Variants in DUSP13A observed in about 807,000 individuals in gnomAD.
DUSP13A encodes dual specificity protein phosphatase 13A.
At chr10:75,105,675 C>A in the DUSP13A span, 5 of 1,548,940 alleles carry the variant, frequency 3.2e-6, no homozygotes, top group Middle Eastern at 2.3e-4. Flanking sequence ...CCCCTCAGCT[C>A]TGGCCGGCAC....
the DUSP13A span, chr10:75,108,250 T>C: frequency 6.4e-7 from 1 of 1,560,552 alleles, no homozygotes; most frequent in Non-Finnish European, 8.7e-7. Context: ...GGCCAAGCCA[T>C]GGGACCAGGA....
At chr10:75,107,424 G>A in the DUSP13A span, among the ~76,000 whole-genome samples, 11 of 152,144 alleles carry the variant, frequency 7.2e-5, no homozygotes, top group Admixed American at 5.2e-4. Flanking sequence ...AAAGTTGAGT[G>A]TTGCAGAGAA....
At chr10:75,108,108 T>C in the DUSP13A span, 5 of 1,613,830 alleles carry the variant, frequency 3.1e-6, no homozygotes, top group South Asian at 5.5e-5. Flanking sequence ...ACTGCTGCCG[T>C]AGAAGTCAGG....
At chr10:75,107,737 C>T in the DUSP13A span, among the ~76,000 whole-genome samples, 4 of 152,102 alleles carry the variant, frequency 2.6e-5, no homozygotes, top group South Asian at 2.1e-4. Context: ...CCACCATGCC[C>T]GGCTAATATT....
chr10:75,105,804 G>T, the DUSP13A span: 1 of 1,551,064 alleles, frequency 6.4e-7, no homozygotes, highest in South Asian at 1.2e-5. Flanking sequence ...GGTGCAGCAT[G>T]AGGTAGGCCA....
the DUSP13A span, among the ~76,000 whole-genome samples, chr10:75,107,383 C>T: frequency 8.1e-4 from 123 of 151,592 alleles, no homozygotes; most frequent in Admixed American, 2.4e-3. Flanking sequence ...TACTTTGGGG[C>T]AGACATCTAG....
the DUSP13A span, chr10:75,105,881 T>A: frequency 4.5e-6 from 7 of 1,544,706 alleles, no homozygotes. Flanking sequence ...GAGGAAGACA[T>A]CCTGGTGAAA....
the DUSP13A span, chr10:75,105,742 A>G: frequency 6.4e-7 from 1 of 1,554,292 alleles, no homozygotes; most frequent in Non-Finnish European, 8.7e-7. Flanking sequence ...GTTGGGGAAG[A>G]CCCATCGGTG....
chr10:75,106,517 A>C, the DUSP13A span, among the ~76,000 whole-genome samples: 1 of 152,082 alleles, frequency 6.6e-6, no homozygotes, highest in Non-Finnish European at 1.5e-5. Context: ...TGCTTGAATC[A>C]CAAAGCAGCT....
At chr10:75,108,273 C>G in the DUSP13A span, 1 of 1,526,922 alleles carries the variant, frequency 6.5e-7, no homozygotes, top group Non-Finnish European at 8.7e-7. Context: ...GAGGCTGTGC[C>G]TGGCCCCCTG....
At chr10:75,106,101 CTTTTTT>C in the DUSP13A span, among the ~76,000 whole-genome samples, 4 of 123,022 alleles carry the variant, frequency 3.3e-5, no homozygotes, top group Non-Finnish European at 6.9e-5. Context: ...TCTTTCTTTT[CTTTTTT>C]TTTTTTTTTT....
the DUSP13A span, chr10:75,108,963 C>A: frequency 1.9e-6 from 3 of 1,551,242 alleles, no homozygotes; most frequent in Non-Finnish European, 2.6e-6. Context: ...CAAGAACTGC[C>A]TCTCCACGTC....
chr10:75,106,101 CTTTTT>C, the DUSP13A span, among the ~76,000 whole-genome samples: 1 of 123,022 alleles, frequency 8.1e-6, no homozygotes, highest in Non-Finnish European at 1.7e-5. Context: ...TCTTTCTTTT[CTTTTT>C]TTTTTTTTTT....
At chr10:75,106,012 G>A in the DUSP13A span, 1 of 723,948 alleles carries the variant, frequency 1.4e-6, no homozygotes, top group East Asian at 2.7e-5. Flanking sequence ...ATGGACCTCA[G>A]TTTCCTGATC....
the DUSP13A span, chr10:75,107,907 G>C: frequency 7.0e-7 from 1 of 1,424,782 alleles, no homozygotes; most frequent in Non-Finnish European, 9.5e-7. Flanking sequence ...AGCAGGGATG[G>C]GAGGGCACTG....
At chr10:75,106,200 C>T in the DUSP13A span, among the ~76,000 whole-genome samples, 1 of 151,314 alleles carries the variant, frequency 6.6e-6, no homozygotes, top group African/African-American at 2.4e-5. Context: ...CCTTGGCCTC[C>T]CAAAGTGTTG....
the DUSP13A span, chr10:75,109,120 TC>T: frequency 6.2e-7 from 1 of 1,610,382 alleles, no homozygotes; most frequent in Non-Finnish European, 8.5e-7. Context: ...CGTGGCTTTG[TC>T]CTCTCCCCCC....
At chr10:75,107,573 G>C in the DUSP13A span, among the ~76,000 whole-genome samples, 1 of 152,092 alleles carries the variant, frequency 6.6e-6, no homozygotes, top group South Asian at 2.1e-4. Flanking sequence ...GCACTAAGCA[G>C]AGGACTTTTT....
chr10:75,105,778 C>A, the DUSP13A span: 5 of 1,551,380 alleles, frequency 3.2e-6, no homozygotes, highest in Admixed American at 2.0e-5. Context: ...CACCGCCTGG[C>A]GCAGGGACAG....
Sources: gnomAD v4.1 joint callset for allele counts (sites outside exome capture counted in the v4.1 genomes callset) on GRCh38, gnomAD v4.1.1 for gene constraint, MANE v1.5 for transcripts, NCBI Gene and HGNC (gene_info 2026-07-23, HGNC 2026-07-21) for gene names.